Variants in CACNA2D2 observed in about 807,000 individuals in gnomAD.
CACNA2D2 encodes the protein calcium voltage-gated channel auxiliary subunit alpha2delta 2, also known as voltage-dependent calcium channel subunit alpha-2/delta-2.
A neutral mutation model predicts 166.4 loss-of-function variants in CACNA2D2; 48 were observed. The observed-to-expected ratio is 0.29, with a 90% confidence interval of 0.23 to 0.37. The LOEUF (loss-of-function observed/expected upper bound fraction) is 0.37, where lower values mean the gene tolerates loss of function less well. CACNA2D2 is among the 10% of genes least tolerant of loss of function. The pLI is 1.00. For synonymous variants in CACNA2D2, 561 were observed against 573.7 expected (o/e 0.98, Z 0.32); for missense variants, 1,122 against 1,433.0 (o/e 0.78, Z 3.50).
chr3:50,425,734 A>G (rs2106857336), intron 3 of CACNA2D2, among the ~76,000 whole-genome samples: 1 of 152,196 alleles, frequency 6.6e-6, no homozygotes, highest in East Asian at 1.9e-4. Context: ...AGTGGGCACC[A>G]TCAGGGGATC....
chr3:50,478,000 C>CAGGCAGATCACT (rs1697868826), intron 1 of CACNA2D2, among the ~76,000 whole-genome samples: 1 of 151,932 alleles, frequency 6.6e-6, no homozygotes, highest in Non-Finnish European at 1.5e-5. Context: ...GAGCAGGAGG[C>CAGGCAGATCACT]AGGCAGATCA....
intron 4 of CACNA2D2, among the ~76,000 whole-genome samples, chr3:50,393,670 G>A (rs1159759955): frequency 6.6e-6 from 1 of 152,256 alleles, no homozygotes; most frequent in African/African-American, 2.4e-5. Context: ...GGCCTCCAGG[G>A]TGGACAGGTT....
rs574456631 is a variant in CACNA2D2 at position 50,503,560 on chromosome 3, C to A, written c.-137G>T. ...CGCCGCCTTCTCCGCGAGGGGCCTC[C>A]GGGGCTGCACGGGCCGCAGCGCCTC... On this transcript the variant is annotated 5_prime_UTR_variant, in exon 1 of 38. Transcript: ENST00000424201. 2.4e-5 allele frequency: 4 copies of A among 167,406 alleles called. No homozygotes were observed. Among genetic ancestry groups the A allele is most frequent in the Non-Finnish European group, 5.1e-5 (4 of 78,788 alleles). The allele number at this position is 167,406 out of a possible 1,614,324, so 10.4% of individuals were successfully genotyped here. A position where few individuals can be genotyped will look rare whatever the true frequency, so the allele number is the denominator to read the frequency against.
chr3:50,501,074 G>A (rs146579884), intron 1 of CACNA2D2, among the ~76,000 whole-genome samples: 94 of 152,244 alleles, frequency 6.2e-4, no homozygotes, highest in East Asian at 1.5e-3. Flanking sequence ...AAATCCACCT[G>A]TATCAAAGTG....
intron 3 of CACNA2D2, among the ~76,000 whole-genome samples, chr3:50,426,568 G>A (rs539813890): frequency 6.6e-6 from 1 of 152,284 alleles, no homozygotes; most frequent in South Asian, 2.1e-4. Context: ...TCGGTGGCTG[G>A]GTACAGGTGG....
intron 2 of CACNA2D2, among the ~76,000 whole-genome samples, chr3:50,440,149 G>A (rs1489228755): frequency 2.0e-5 from 3 of 152,178 alleles, no homozygotes; most frequent in Non-Finnish European, 4.4e-5. Flanking sequence ...CATGATGGGT[G>A]CACAAAAACC....
At chr3:50,401,172 G>A (rs889658313) in intron 3 of CACNA2D2, among the ~76,000 whole-genome samples, 4 of 152,336 alleles carry the variant, frequency 2.6e-5, no homozygotes, top group African/African-American at 9.6e-5. Flanking sequence ...GGCCATCACC[G>A]CTGTTGGCAG....
In CACNA2D2 at chr3:50,434,879, G is replaced by T. The variant is rs546083094; in HGVS notation, c.289-450C>A. Among the ~76,000 whole-genome samples the T allele has an allele frequency of 2.0e-5, 3 of 152,364 alleles. No homozygotes were observed. The South Asian group carries it at 6.2e-4, about 32-fold the overall frequency. ...CCAAAAAGAAGATGCTCACGCCCAT[G>T]CATGGGCACACACACAGCCATGCCT... On this transcript the variant is annotated intron_variant, in intron 2 of 37. Transcript: ENST00000424201.
intron 2 of CACNA2D2, among the ~76,000 whole-genome samples, chr3:50,474,945 A>G (rs550344149): frequency 3.9e-5 from 6 of 152,320 alleles, no homozygotes; most frequent in African/African-American, 1.4e-4. Flanking sequence ...CCCAGCAACC[A>G]GGAAAGGGGT....
At chr3:50,503,056 T>A (rs1699048307) in intron 1 of CACNA2D2, among the ~76,000 whole-genome samples, 162 bp downstream of exon 1, 1 of 152,118 alleles carries the variant, frequency 6.6e-6, no homozygotes, top group South Asian at 2.1e-4. Context: ...GGACCGCGGC[T>A]GCCAGCCTTC....
intron 2 of CACNA2D2, among the ~76,000 whole-genome samples, chr3:50,470,984 AAAG>A (rs2107063555): frequency 6.6e-6 from 1 of 152,258 alleles, no homozygotes; most frequent in South Asian, 2.1e-4. Context: ...ACTTTCCATT[AAAG>A]AATAATATAT....
At chr3:50,468,195 C>T (rs981859066) in intron 2 of CACNA2D2, among the ~76,000 whole-genome samples, 28 of 152,216 alleles carry the variant, frequency 1.8e-4, no homozygotes, top group Non-Finnish European at 4.4e-5. Flanking sequence ...GACCAGCCTC[C>T]GGCTCTGGAC....
At chr3:50,473,496 C>T (rs971008202) in intron 2 of CACNA2D2, among the ~76,000 whole-genome samples, 3 of 152,218 alleles carry the variant, frequency 2.0e-5, no homozygotes, top group Admixed American at 6.5e-5. Flanking sequence ...TCAAGGAGGG[C>T]TGAGGAGGGG....
chr3:50,375,550 G>T lies in CACNA2D2; in HGVS notation c.1907+94C>A. ...GCCCTGGCCACTGGTGCCCCACTGG[G>T]ATGGTGGTCACAGTGGGAGAGGGAG... is the stretch of plus-strand genomic sequence containing the variant. On this transcript the variant is annotated intron_variant, in intron 21 of 37. Coordinates refer to ENST00000424201, the MANE Select transcript of CACNA2D2 (RefSeq NM_006030.4). The surrounding 1 kb of genome is among the most constrained non-coding windows in gnomAD (Gnocchi z 4.0). 7.4e-7 allele frequency: 1 copy of T among 1,343,552 alleles called. No individual in the cohort carries two copies. The highest frequency in any genetic ancestry group is 1.1e-6 in the Non-Finnish European group (1 of 948,188). 83.2% of individuals were successfully genotyped at this position (1,343,552 alleles called of 1,614,324 possible). A position where few individuals can be genotyped will look rare whatever the true frequency, so the allele number is the denominator to read the frequency against.
chr3:50,421,214 G>A (rs1707543507), intron 3 of CACNA2D2, among the ~76,000 whole-genome samples: 1 of 152,230 alleles, frequency 6.6e-6, no homozygotes, highest in Non-Finnish European at 1.5e-5. Context: ...AGAAAAACGT[G>A]GAGGGGGAAC....
rs1441019067 is a variant in CACNA2D2 at position 50,365,532 on chromosome 3, C to G, written c.2972-50G>C. 1 of 1,604,058 alleles carries G rather than the reference C, an allele frequency of 6.2e-7. No individual in the cohort carries two copies. The highest frequency in any genetic ancestry group is 1.7e-4 in the Middle Eastern group (1 of 5,958). On this transcript the variant is annotated intron_variant, in intron 34 of 37. Transcript: ENST00000424201. The surrounding 1 kb of genome is among the most constrained non-coding windows in gnomAD (Gnocchi z 4.5). The stretch of plus-strand genomic sequence containing the variant: ...CTCCGCCCACAGACCCTGGCAAGGT[C>G]TCCGGCCTCCCTCAGTCGTAGACCC...
In CACNA2D2 at chr3:50,500,671, C is replaced by A. The variant is rs144255754; in HGVS notation, c.206+2547G>T. On this transcript the variant is annotated intron_variant, in intron 1 of 37. Coordinates refer to ENST00000424201, the MANE Select transcript of CACNA2D2 (RefSeq NM_006030.4). ...AGCCGGACAAGTGCACATACATGTG[C>A]ATACATGTGTGCAAACATGTAGCCT... 9.1e-4 allele frequency among the ~76,000 whole-genome samples: 139 copies of A among 152,232 alleles called. 2 individuals are homozygous for A. Among genetic ancestry groups the A allele is most frequent in the African/African-American group, 2.7e-3 (113 of 41,530 alleles).
At chr3:50,405,528 G>A (rs991967611) in intron 3 of CACNA2D2, among the ~76,000 whole-genome samples, 5 of 152,184 alleles carry the variant, frequency 3.3e-5, no homozygotes, top group African/African-American at 9.7e-5. Context: ...CTCATTCCTC[G>A]GTGGCACTCA....
rs915759041 is a variant in CACNA2D2, at chr3:50,376,360, C to T, written c.1627-172G>A. Among the ~76,000 whole-genome samples the T allele has an allele frequency of 4.6e-5, 7 of 152,160 alleles. No homozygotes were observed. Among genetic ancestry groups the T allele is most frequent in the East Asian group, 1.9e-4 (1 of 5,186 alleles). ...CTAAGCCTGTCTCTCCAGCCAGGCC[C>T]GCAGGCGGGTTGCCCCTTGTGCACC... is the stretch of plus-strand genomic sequence containing the variant. On this transcript the variant is annotated intron_variant, in intron 17 of 37. Transcript: ENST00000424201. The surrounding 1 kb of genome is among the most constrained non-coding windows in gnomAD (Gnocchi z 4.3).
Sources: allele counts gnomAD v4.1 joint callset (sites outside exome capture counted in the v4.1 genomes callset), GRCh38; gene constraint gnomAD v4.1.1; non-coding constraint Gnocchi (gnomAD v3.1); transcripts MANE v1.5; gene names NCBI Gene and HGNC (gene_info 2026-07-23, HGNC 2026-07-21).